Variants in SRR observed in about 807,000 individuals in gnomAD.
SRR encodes the protein serine racemase.
SRR carries 19 observed loss-of-function variants against 32.7 expected under a neutral mutation model. That is an observed-to-expected ratio of 0.58 (90% CI 0.40 to 0.85). The LOEUF is 0.85. Among genes scored for constraint, SRR ranks in the 40% least tolerant of loss-of-function variants. The probability of loss-of-function intolerance (pLI) is 0.00; values close to 1 mark genes in which losing one functional copy is unlikely to be tolerated. For missense variants in SRR, 373 were observed against 404.7 expected, an observed-to-expected ratio of 0.92 and a Z score of 0.67; for synonymous variants, 142 against 140.9, an observed-to-expected ratio of 1.01 and a Z score of -0.06.
chr17:2,318,699 T>C, intron 3 of SRR, 127 bp from the exon 4 acceptor site: 1 of 548,372 alleles, frequency 1.8e-6, no homozygotes, highest in Non-Finnish European at 3.4e-6. Flanking sequence ...CTCAATTTCC[T>C]GACCTTGTGA....
chr17:2,313,559 A>G (rs1462916715), intron 1 of SRR, among the ~76,000 whole-genome samples: 1 of 151,590 alleles, frequency 6.6e-6, no homozygotes, highest in Non-Finnish European at 1.5e-5. Flanking sequence ...AACATGGTGA[A>G]ACCCCGCCTC....
At chr17:2,323,603 A>T (rs1362661350) in intron 7 of SRR, 52 bp from the exon 8 acceptor site, 1 of 1,582,312 alleles carries the variant, frequency 6.3e-7, no homozygotes, top group African/African-American at 1.3e-5. Flanking sequence ...CTTTATAGGT[A>T]AACCAACTAG....
At chr17:2,307,464 T>A in intron 1 of SRR, 1 of 1,434,224 alleles carries the variant, frequency 7.0e-7, no homozygotes, top group Non-Finnish European at 9.7e-7. Context: ...GTGGTGGTGG[T>A]GGATATCGTG....
chr17:2,310,354 C>T (rs569564044), intron 1 of SRR, among the ~76,000 whole-genome samples: 10 of 152,176 alleles, frequency 6.6e-5, no homozygotes, highest in African/African-American at 2.4e-4. Context: ...AGAATTACCA[C>T]TACAGGCGCC....
intron 1 of SRR, among the ~76,000 whole-genome samples, chr17:2,311,149 A>G (rs1362625265): frequency 6.6e-6 from 1 of 151,618 alleles, no homozygotes; most frequent in East Asian, 2.0e-4. Context: ...TTGGCCTCCA[A>G]AAGTGCTGGG....
intron 1 of SRR, among the ~76,000 whole-genome samples, chr17:2,305,989 G>A (rs2075387409): frequency 7.0e-6 from 1 of 142,316 alleles, no homozygotes; most frequent in Non-Finnish European, 1.5e-5. Flanking sequence ...GTGAGCCACC[G>A]CGCCCAGCCT....
Position 2,318,012 on chromosome 17 carries a change from A to T in SRR, c.295+16A>T. 1 of 1,610,648 alleles carries T rather than the reference A, an allele frequency of 6.2e-7. No individual in the cohort carries two copies. Among genetic ancestry groups the T allele is most frequent in the Admixed American group, 1.7e-5 (1 of 59,706 alleles). ...AAATTGGAAGGTACTTGATTTCTCA[A>T]GGTACTGGGTAGATCTTCAGAAAGG... is the stretch of plus-strand genomic sequence containing the variant. On this transcript the variant is annotated intron_variant, in intron 3 of 7. Transcript: ENST00000344595.
intron 1 of SRR, chr17:2,306,854 G>A (rs1350106746): frequency 2.4e-6 from 2 of 826,648 alleles, no homozygotes; most frequent in Non-Finnish European, 4.2e-6. Context: ...AGCCTGAGGA[G>A]CCATTCTGAG....
intron 2 of SRR, among the ~76,000 whole-genome samples, chr17:2,317,163 A>G (rs1325486778): frequency 7.4e-6 from 1 of 135,774 alleles, no homozygotes; most frequent in East Asian, 2.3e-4. Context: ...AGATCACGCC[A>G]TTGCACTCCA....
At chr17:2,319,921 C>T (rs2075511023) in intron 4 of SRR, among the ~76,000 whole-genome samples, 2 of 150,680 alleles carry the variant, frequency 1.3e-5, no homozygotes, top group African/African-American at 2.4e-5. Context: ...TGGGTTCCAG[C>T]GATTCTCTTG....
At position 2,315,540 on chromosome 17, in the gene SRR, T is replaced by C; in HGVS notation, c.-4-17T>C. The stretch of plus-strand genomic sequence containing the variant: ...CTCAGACTTTGCTTTGACCCCTTTC[T>C]TATTCCTGGGTTTCAGAACCATGTG... On this transcript the variant is annotated splice_polypyrimidine_tract_variant and intron_variant, in intron 1 of 7. Coordinates refer to ENST00000344595, the MANE Select transcript of SRR (RefSeq NM_021947.3). The C allele has an allele frequency of 6.2e-7, 1 of 1,601,198 alleles. No homozygotes were observed. The highest frequency in any genetic ancestry group is 1.1e-5 in the South Asian group (1 of 88,548).
intron 2 of SRR, 126 bp downstream of exon 2, chr17:2,315,854 G>A: frequency 1.0e-6 from 1 of 980,668 alleles, no homozygotes; most frequent in Non-Finnish European, 1.4e-6. Context: ...CTGGAAAAAA[G>A]GTTACAGAAA....
chr17:2,303,635 C>T (rs1360094392), upstream of SRR: 7 of 1,481,524 alleles, frequency 4.7e-6, no homozygotes, highest in Non-Finnish European at 6.2e-6. Context: ...CGACTCACCT[C>T]TGCTCCCGGC....
intron 4 of SRR, among the ~76,000 whole-genome samples, chr17:2,320,059 C>T (rs1000447548): frequency 2.6e-5 from 4 of 151,682 alleles, no homozygotes; most frequent in Non-Finnish European, 4.4e-5. Flanking sequence ...ACCTCGTGAT[C>T]CACCCACCTC....
chr17:2,317,488 G>C (rs573134219), intron 2 of SRR, among the ~76,000 whole-genome samples: 4 of 150,850 alleles, frequency 2.7e-5, no homozygotes, highest in African/African-American at 9.7e-5. Context: ...CTGCAGCCCG[G>C]GCTACAACAG....
rs1046885558 is a variant in SRR, at chr17:2,323,224, C to T, written c.683C>T (p.Pro228Leu). The change falls in exon 7 of 8, where the codon CCC (proline) becomes CTC (leucine). Residue 228 changes from proline to leucine, a missense_variant. Physicochemically the swap from Pro to Leu is moderately conservative, Grantham distance 98 (BLOSUM62 -3). Transcript: ENST00000344595. ...TCCAAGCTGAAGGGGAAACTGATGC[C>T]CAATCTTTATCCTCCAGAAACCATA... ...YQSKLKGKLM[P>L]NLYPPETIAD... 1.2e-6 allele frequency: 2 copies of T among 1,614,046 alleles called. No homozygotes were observed. The highest frequency in any genetic ancestry group is 1.3e-5 in the African/African-American group (1 of 74,896).
At position 2,315,658 on chromosome 17, in the gene SRR, T is replaced by G. The variant is rs761814138; in HGVS notation, c.98T>G (p.Ile33Ser). The change falls in exon 2 of 8, where the codon ATT (isoleucine) becomes AGT (serine). Residue 33 changes from isoleucine to serine, a missense_variant. Physicochemically the swap from Ile to Ser is moderately radical, Grantham distance 142. Coordinates refer to ENST00000344595, the MANE Select transcript of SRR (RefSeq NM_021947.3). ...CTCACACCAGTGCTAACAAGCTCCA[T>G]TTTGAATCAACTAACAGGGCGCAAT... Reference protein sequence around the residue: ...IHLTPVLTSSILNQLTGRNLF... With the variant: ...IHLTPVLTSSSLNQLTGRNLF... 2.5e-6 allele frequency: 4 copies of G among 1,614,038 alleles called. No individual in the cohort carries two copies. The Admixed American group carries it at 5.0e-5, about 20-fold the overall frequency.
At position 2,324,470 on chromosome 17, in the gene SRR, T is replaced by C. The variant is rs765119294; in HGVS notation, c.*597T>C. The C allele has an allele frequency of 3.2e-5, 52 of 1,613,894 alleles. No homozygotes were observed. The highest frequency in any genetic ancestry group is 4.0e-5 in the Non-Finnish European group (47 of 1,179,966). On this transcript the variant is annotated 3_prime_UTR_variant, in exon 8 of 8. Transcript: ENST00000344595. ...CAGTCATTTAGCAACACTGCAGAAA[T>C]GCAGACATGGTCTCAAATCCCGTGT...
intron 1 of SRR, among the ~76,000 whole-genome samples, chr17:2,311,360 T>A (rs964046555): frequency 1.3e-5 from 2 of 151,708 alleles, no homozygotes; most frequent in Admixed American, 1.3e-4. Context: ...TTCGGGCCCG[T>A]CATGGTGGCT....
Sources: allele counts gnomAD v4.1 joint callset (sites outside exome capture counted in the v4.1 genomes callset), GRCh38; gene constraint gnomAD v4.1.1; transcripts MANE v1.5; gene names NCBI Gene and HGNC (gene_info 2026-07-23, HGNC 2026-07-21).